CRPPA: variants seen among roughly 807,000 people sequenced by gnomAD.
CRPPA encodes CDP-L-ribitol pyrophosphorylase A.
CRPPA carries 43 observed loss-of-function variants against 52.0 expected under a neutral mutation model. The ratio of observed to expected loss-of-function variants is 0.83; its 90% confidence interval spans 0.65 to 1.07. CRPPA has a LOEUF of 1.07. Among genes scored for constraint, CRPPA ranks in the 50% least tolerant of loss-of-function variants. The probability of loss-of-function intolerance (pLI) is 0.00; values close to 1 mark genes in which losing one functional copy is unlikely to be tolerated. For synonymous variants in CRPPA, 250 were observed against 203.5 expected (o/e 1.23, Z -1.94); for missense variants, 629 against 551.7 (o/e 1.14, Z -1.40).
At chr7:16,194,848 G>GT (rs11393399) in intron 9 of CRPPA, among the ~76,000 whole-genome samples, 90,648 of 147,464 alleles carry the variant, frequency 0.61, 28,630 homozygotes, top group Admixed American at 0.69. Context: ...TGGTCTTTTG[G>GT]TTTTTTTTTT....
rs185704406 is a variant in CRPPA at position 16,162,577 on chromosome 7, G to A, written c.1251+53489C>T. On this transcript the variant is annotated intron_variant, in intron 9 of 9. Transcript: ENST00000407010. ...TGATTTCCATTCTTTTGCATTTGCT[G>A]AGGAGTGTTTTACTTCCAATTATGT... 3.5e-3 allele frequency among the ~76,000 whole-genome samples: 532 copies of A among 152,302 alleles called. 10 individuals are homozygous for A. The highest frequency in any genetic ancestry group is 4.3e-3 in the Non-Finnish European group (294 of 68,022).
At chr7:16,389,926 A>ATATATATATATAT (rs1430354909) in intron 2 of CRPPA, among the ~76,000 whole-genome samples, 41 of 54,984 alleles carry the variant, frequency 7.5e-4, no homozygotes, top group Non-Finnish European at 9.0e-4. Context: ...AAAAAAAAAA[A>ATATATATATATAT]AAATATATAT....
chr7:16,183,115 A>G (rs769111449), intron 9 of CRPPA, among the ~76,000 whole-genome samples: 2 of 152,210 alleles, frequency 1.3e-5, no homozygotes, highest in Non-Finnish European at 2.9e-5. Context: ...ATGATAAGGT[A>G]GCTAGCTCTT....
intron 3 of CRPPA, among the ~76,000 whole-genome samples, chr7:16,332,215 C>T (rs1785567520): frequency 6.6e-6 from 1 of 152,114 alleles, no homozygotes; most frequent in South Asian, 2.1e-4. Context: ...TGAAACTATA[C>T]TTCAAAAGGG....
chr7:16,165,950 G>A (rs1230307790), intron 9 of CRPPA, among the ~76,000 whole-genome samples: 1 of 152,150 alleles, frequency 6.6e-6, no homozygotes, highest in Non-Finnish European at 1.5e-5. Context: ...TGCTTCACTT[G>A]AATAGCTCCA....
At position 16,399,553 on chromosome 7, in the gene CRPPA, AATGAC is replaced by A. The variant is rs1787735761; in HGVS notation, c.534+6503_534+6507del. ...ACGTGACTGACACGAGATTGACATGAATGACATGACACGTTTGTGACATGTGACAA... is the reference window on the plus strand; with the variant it reads ...ACGTGACTGACACGAGATTGACATGAATGACACGTTTGTGACATGTGACAA... On this transcript the variant is annotated intron_variant, in intron 2 of 9. Transcript: ENST00000407010. 2.0e-5 allele frequency among the ~76,000 whole-genome samples: 3 copies of A among 152,202 alleles called. No homozygotes were observed. The South Asian group carries it at 6.2e-4, about 32-fold the overall frequency.
chr7:16,167,601 A>C (rs1686780741), intron 9 of CRPPA, among the ~76,000 whole-genome samples: 1 of 152,176 alleles, frequency 6.6e-6, no homozygotes, highest in African/African-American at 2.4e-5. Context: ...TGGGCTTGTG[A>C]ATATTCCAAC....
At chr7:16,226,416 A>C (rs1782652784) in intron 8 of CRPPA, among the ~76,000 whole-genome samples, 1 of 151,902 alleles carries the variant, frequency 6.6e-6, no homozygotes, top group Non-Finnish European at 1.5e-5. Context: ...ATAAAATGCC[A>C]ACTTAACATT....
At chr7:16,217,019 G>T (rs11981616) in intron 8 of CRPPA, among the ~76,000 whole-genome samples, 50,011 of 150,488 alleles carry the variant, frequency 0.33, 9,325 homozygotes, top group Admixed American at 0.42. Flanking sequence ...CAGCAGTAAC[G>T]TCTGCAGACT....
At chr7:16,342,062 T>C (rs1462282429) in intron 3 of CRPPA, among the ~76,000 whole-genome samples, 2 of 152,186 alleles carry the variant, frequency 1.3e-5, no homozygotes, top group African/African-American at 4.8e-5. Context: ...CTCCTCCACA[T>C]ACACAGGCAC....
intron 9 of CRPPA, among the ~76,000 whole-genome samples, chr7:16,156,345 A>T (rs1050731073): frequency 2.0e-5 from 3 of 152,182 alleles, no homozygotes; most frequent in African/African-American, 7.2e-5. Context: ...TGGTACAGAC[A>T]TTGGCAGCTT....
chr7:16,240,973 CAT>C (rs1217206592), intron 8 of CRPPA, among the ~76,000 whole-genome samples: 1 of 152,110 alleles, frequency 6.6e-6, no homozygotes, highest in South Asian at 2.1e-4. Context: ...ATATTAAACA[CAT>C]ATATGTGTGT....
At chr7:16,133,007 AT>A (rs1782705982) in intron 9 of CRPPA, among the ~76,000 whole-genome samples, 1 of 123,010 alleles carries the variant, frequency 8.1e-6, no homozygotes, top group Non-Finnish European at 1.8e-5. Context: ...AAATACAAAA[AT>A]TAGTCAGGCA....
intron 8 of CRPPA, among the ~76,000 whole-genome samples, chr7:16,254,541 G>A (rs11764321): frequency 0.11 from 16,343 of 151,798 alleles, 981 homozygotes; most frequent in Non-Finnish European, 0.15. Context: ...TGAACAATGA[G>A]AACACTTGGA....
intron 9 of CRPPA, among the ~76,000 whole-genome samples, chr7:16,112,481 A>G (rs959802784): frequency 1.4e-4 from 22 of 152,226 alleles, no homozygotes; most frequent in African/African-American, 5.3e-4. Context: ...AGATACCTTC[A>G]AATTTAAAGA....
rs1784436451 is a variant in CRPPA, at chr7:16,286,075, ATATAT to A, written c.836-7854_836-7850del. Among the ~76,000 whole-genome samples the A allele has an allele frequency of 9.9e-5, 4 of 40,230 alleles. 1 individual carries two copies. Among genetic ancestry groups the A allele is most frequent in the East Asian group, 6.1e-4 (1 of 1,648 alleles). The allele number at this position is 40,230 out of a possible 152,430, so 26.4% of individuals were successfully genotyped here. A position where few individuals can be genotyped will look rare whatever the true frequency, so the allele number is the denominator to read the frequency against. On this transcript the variant is annotated intron_variant, in intron 5 of 9. Transcript: ENST00000407010. ...TATATATATATATATATATATATATATATATAATATTTAAAAAAAAAAATATATAT... is the reference window on the plus strand; with the variant it reads ...TATATATATATATATATATATATATAAATATTTAAAAAAAAAAATATATAT...
At chr7:16,182,434 A>G (rs1404335998) in intron 9 of CRPPA, among the ~76,000 whole-genome samples, 3 of 152,172 alleles carry the variant, frequency 2.0e-5, no homozygotes, top group Non-Finnish European at 4.4e-5. Flanking sequence ...GTTTGTAAGC[A>G]TCATTTCAAG....
intron 8 of CRPPA, among the ~76,000 whole-genome samples, chr7:16,256,715 A>T (rs973148182): frequency 2.0e-5 from 3 of 152,142 alleles, no homozygotes; most frequent in African/African-American, 7.2e-5. Context: ...CTGAACAATG[A>T]GAACACATGG....
chr7:16,368,945 T>A (rs1786678445), intron 3 of CRPPA, among the ~76,000 whole-genome samples: 1 of 152,210 alleles, frequency 6.6e-6, no homozygotes, highest in Admixed American at 6.5e-5. Flanking sequence ...ATAACTGGCA[T>A]TAGTGTTAAC....
Sources: gnomAD v4.1 joint callset for allele counts (sites outside exome capture counted in the v4.1 genomes callset) on GRCh38, gnomAD v4.1.1 for gene constraint, MANE v1.5 for transcripts, NCBI Gene and HGNC (gene_info 2026-07-23, HGNC 2026-07-21) for gene names.